The following PRIM2 variants were observed in gnomAD, a reference collection of about 807,000 sequenced individuals.
PRIM2 encodes DNA primase large subunit.
A neutral mutation model predicts 67.3 loss-of-function variants in PRIM2; 39 were observed. The observed-to-expected ratio is 0.58, with a 90% CI of 0.45 to 0.76. PRIM2 has a LOEUF of 0.76. Ranked by LOEUF, PRIM2 falls within the 30% of genes least tolerant of loss-of-function variation. The probability of loss-of-function intolerance (pLI) is 0.00; values close to 1 mark genes in which losing one functional copy is unlikely to be tolerated. For missense variants in PRIM2, 398 were observed against 598.7 expected, an observed-to-expected ratio of 0.66 and a Z score of 3.50; for synonymous variants, 143 against 198.7, an observed-to-expected ratio of 0.72 and a Z score of 2.36.
chr6:57,227,580 G>T, the PRIM2 span, among the ~76,000 whole-genome samples: 4 of 149,956 alleles, frequency 2.7e-5, no homozygotes, highest in Non-Finnish European at 5.9e-5. Flanking sequence ...GGAGATGGAG[G>T]TTGCAGTGAG....
intron 12 of PRIM2, among the ~76,000 whole-genome samples, chr6:57,612,187 A>G (rs1776679354): frequency 2.6e-5 from 4 of 152,312 alleles, no homozygotes; most frequent in African/African-American, 9.6e-5. Context: ...AATTTCTTAT[A>G]AAGTGAAGCT....
At chr6:57,458,312 G>T (rs1191131241) in intron 7 of PRIM2, among the ~76,000 whole-genome samples, 25 of 152,154 alleles carry the variant, frequency 1.6e-4, no homozygotes, top group African/African-American at 5.8e-4. Flanking sequence ...ATATTTCATT[G>T]ATCAAAGCAA....
chr6:57,444,566 CAAAA>C (rs66824143), intron 7 of PRIM2, among the ~76,000 whole-genome samples: 1 of 104,984 alleles, frequency 9.5e-6, no homozygotes, highest in South Asian at 3.3e-4. Flanking sequence ...GATTCCATCT[CAAAA>C]AAAAAAAAAA....
At chr6:57,330,479 C>T (rs754807392) in intron 5 of PRIM2, among the ~76,000 whole-genome samples, 13 of 150,756 alleles carry the variant, frequency 8.6e-5, no homozygotes, top group Admixed American at 5.3e-4. Flanking sequence ...CTCAGCCTCC[C>T]GCCGGCCACC....
intron 5 of PRIM2, among the ~76,000 whole-genome samples, chr6:57,342,640 T>C (rs1768531490): frequency 6.6e-6 from 1 of 152,226 alleles, no homozygotes; most frequent in African/African-American, 2.4e-5. Context: ...ATTAGAGTAC[T>C]ACAGAATGGC....
intron 7 of PRIM2, among the ~76,000 whole-genome samples, chr6:57,441,409 A>G (rs568219262): frequency 6.6e-6 from 1 of 152,034 alleles, no homozygotes; most frequent in Non-Finnish European, 1.5e-5. Context: ...TTGCTTTTTC[A>G]TACTGAAAAT....
chr6:57,461,496 C>T (rs1420663727), intron 7 of PRIM2, among the ~76,000 whole-genome samples: 1 of 152,038 alleles, frequency 6.6e-6, no homozygotes, highest in Admixed American at 6.6e-5. Flanking sequence ...CATAGCAGAG[C>T]CCTCCATACA....
upstream of PRIM2, among the ~76,000 whole-genome samples, chr6:57,310,561 G>A (rs10949017): frequency 0.26 from 40,094 of 152,212 alleles, 5,420 homozygotes; most frequent in East Asian, 0.46. Context: ...GATGATTGCT[G>A]TCTCTTTGGA....
chr6:57,256,020 CACAT>C, the PRIM2 span, among the ~76,000 whole-genome samples: 15 of 106,048 alleles, frequency 1.4e-4, no homozygotes, highest in African/African-American at 1.1e-3. Context: ...CACACACACA[CACAT>C]ACACACACAC....
At chr6:57,439,000 G>A (rs1772105807) in intron 7 of PRIM2, among the ~76,000 whole-genome samples, 1 of 152,072 alleles carries the variant, frequency 6.6e-6, no homozygotes, top group South Asian at 2.1e-4. Context: ...GGGCCACCGT[G>A]CCTGTTCCTA....
intron 10 of PRIM2, among the ~76,000 whole-genome samples, chr6:57,573,820 A>G: frequency 6.6e-6 from 1 of 152,380 alleles, no homozygotes; most frequent in Middle Eastern, 3.4e-3. Flanking sequence ...ACACACATAT[A>G]TAGAGTTTCC....
chr6:57,514,544 G>A (rs1774440880), intron 8 of PRIM2, among the ~76,000 whole-genome samples: 2 of 152,256 alleles, frequency 1.3e-5, no homozygotes, highest in Admixed American at 1.3e-4. Context: ...TCTACATGCA[G>A]CAGCACAAGC....
At chr6:57,484,010 G>A (rs1773688100) in intron 7 of PRIM2, among the ~76,000 whole-genome samples, 1 of 152,104 alleles carries the variant, frequency 6.6e-6, no homozygotes, top group Non-Finnish European at 1.5e-5. Flanking sequence ...ATATTAAATA[G>A]TTCTCATGCC....
intron 11 of PRIM2, 28 bp downstream of exon 11, chr6:57,601,247 C>T: frequency 6.4e-7 from 1 of 1,561,072 alleles, no homozygotes; most frequent in Middle Eastern, 1.7e-4. Flanking sequence ...ATATGTTGGC[C>T]AAGTACAGAA....
intron 7 of PRIM2, among the ~76,000 whole-genome samples, chr6:57,502,967 T>A (rs1413652600): frequency 6.6e-6 from 1 of 152,180 alleles, no homozygotes; most frequent in African/African-American, 2.4e-5. Flanking sequence ...ATGACTCCTC[T>A]CCTTGATAGG....
chr6:57,338,731 A>G (rs1178774722), intron 5 of PRIM2, among the ~76,000 whole-genome samples: 4 of 135,772 alleles, frequency 2.9e-5, no homozygotes, highest in South Asian at 2.7e-4. Context: ...ATCTATGACA[A>G]ACCCACAGCC....
intron 7 of PRIM2, among the ~76,000 whole-genome samples, chr6:57,443,712 G>A (rs1236711828): frequency 6.6e-6 from 1 of 151,926 alleles, no homozygotes; most frequent in Non-Finnish European, 1.5e-5. Context: ...CCAATTCATA[G>A]GTTGTCTCTG....
Position 57,617,647 on chromosome 6 carries a change from C to T in PRIM2, c.1230+11190C>T, listed in dbSNP as rs1419378483. Among the ~76,000 whole-genome samples the T allele has an allele frequency of 3.8e-3, 580 of 152,270 alleles. 1 individual carries two copies. The highest frequency in any genetic ancestry group is 6.9e-3 in the Non-Finnish European group (472 of 68,024). ...AAGAGTTCTTAATATATTTTGGATA[C>T]AAGACTCTTATCAGATAGATATATG... On this transcript the variant is annotated intron_variant, in intron 12 of 13. Transcript: ENST00000615550.
chr6:57,323,057 A>G (rs1472705945), intron 3 of PRIM2, among the ~76,000 whole-genome samples: 1 of 151,590 alleles, frequency 6.6e-6, no homozygotes, highest in Non-Finnish European at 1.5e-5. Flanking sequence ...GTAAAATAAG[A>G]TTATAGTAGT....
Sources: allele counts gnomAD v4.1 joint callset (sites outside exome capture counted in the v4.1 genomes callset), GRCh38; gene constraint gnomAD v4.1.1; transcripts MANE v1.5; gene names NCBI Gene and HGNC (gene_info 2026-07-23, HGNC 2026-07-21).